The following LDAH variants were observed in gnomAD, a reference collection of about 807,000 sequenced individuals.
LDAH encodes lipid droplet associated hydrolase, also known as lipid droplet-associated hydrolase.
Under a neutral mutation model 29.6 loss-of-function variants are expected in LDAH, and 26 were observed. The observed-to-expected ratio is 0.88, with a 90% CI of 0.64 to 1.22. The LOEUF (loss-of-function observed/expected upper bound fraction) is 1.22, where lower values mean the gene tolerates loss of function less well. LDAH is among the 50% of genes most tolerant of loss of function. The probability of loss-of-function intolerance (pLI) is 0.00; values close to 1 mark genes in which losing one functional copy is unlikely to be tolerated. For synonymous variants in LDAH, 117 were observed against 133.0 expected (o/e 0.88, Z 0.83); for missense variants, 344 against 387.3 (o/e 0.89, Z 0.94).
chr2:20,685,802 T>A lies in LDAH; in HGVS notation c.*1101A>T, dbSNP rs560152120. The A allele has an allele frequency of 4.9e-5, 48 of 985,108 alleles. 1 individual carries two copies. In the African/African-American group the frequency reaches 7.7e-4, roughly 16 times the overall value. 61.0% of individuals were successfully genotyped at this position (985,108 alleles called of 1,614,324 possible). A position where few individuals can be genotyped will look rare whatever the true frequency, so the allele number is the denominator to read the frequency against. ...ATGTGTCTTCTCTGCCATACCTCAA[T>A]GTGTCTAGAGAAGGTGAATTCACAT... is the stretch of plus-strand genomic sequence containing the variant. On this transcript the variant is annotated 3_prime_UTR_variant, in exon 7 of 7. Coordinates refer to ENST00000237822, the MANE Select transcript of LDAH (RefSeq NM_021925.4).
chr2:20,814,893 T>C (rs1421928695), intron 1 of LDAH, among the ~76,000 whole-genome samples: 2 of 152,192 alleles, frequency 1.3e-5, no homozygotes, highest in Non-Finnish European at 2.9e-5. Flanking sequence ...TATTAGGGCC[T>C]GTAACAAGGA....
At chr2:20,821,768 T>TA (rs1322514741) in intron 1 of LDAH, among the ~76,000 whole-genome samples, 3 of 151,920 alleles carry the variant, frequency 2.0e-5, no homozygotes, top group African/African-American at 7.3e-5. Context: ...AGTATAATTT[T>TA]AAAAAAATTA....
Position 20,685,261 on chromosome 2 carries a change from T to C in LDAH, c.*1642A>G, listed in dbSNP as rs1266112692. ...ACTCTTTATTCTGGTAGGTATGATT[T>C]ACCCAGTATTGTTTACATGCCTTGA... On this transcript the variant is annotated 3_prime_UTR_variant, in exon 7 of 7. Coordinates refer to ENST00000237822, the MANE Select transcript of LDAH (RefSeq NM_021925.4). 1.4e-5 allele frequency: 7 copies of C among 491,222 alleles called. No homozygotes were observed. The East Asian group carries it at 2.3e-4, about 16-fold the overall frequency. The allele number at this position is 491,222 out of a possible 1,614,324, so 30.4% of individuals were successfully genotyped here. A position where few individuals can be genotyped will look rare whatever the true frequency, so the allele number is the denominator to read the frequency against.
chr2:20,808,401 C>A (rs530968373), intron 1 of LDAH, among the ~76,000 whole-genome samples: 1 of 152,108 alleles, frequency 6.6e-6, no homozygotes, highest in Non-Finnish European at 1.5e-5. Flanking sequence ...GTGGCTCACA[C>A]GCCTGTAATC....
chr2:20,766,008 T>C (rs940372911), intron 4 of LDAH, among the ~76,000 whole-genome samples: 8 of 152,118 alleles, frequency 5.3e-5, no homozygotes, highest in African/African-American at 1.7e-4. Flanking sequence ...TACCCCTTTC[T>C]TGACATTCTT....
intron 4 of LDAH, among the ~76,000 whole-genome samples, chr2:20,745,612 A>G (rs1032413608): frequency 3.9e-5 from 6 of 152,200 alleles, no homozygotes; most frequent in African/African-American, 1.4e-4. Flanking sequence ...CTTATTTCCA[A>G]ACATCATATT....
Position 20,685,040 on chromosome 2 carries a change from GCCAGA to G in LDAH, c.*1858_*1862del. 7.8e-7 allele frequency: 1 copy of G among 1,275,654 alleles called. No homozygotes were observed. Among genetic ancestry groups the G allele is most frequent in the South Asian group, 1.8e-5 (1 of 55,438 alleles). The allele number at this position is 1,275,654 out of a possible 1,614,324, so 79.0% of individuals were successfully genotyped here. A position where few individuals can be genotyped will look rare whatever the true frequency, so the allele number is the denominator to read the frequency against. On this transcript the variant is annotated 3_prime_UTR_variant, in exon 7 of 7. Coordinates refer to ENST00000237822, the MANE Select transcript of LDAH (RefSeq NM_021925.4). ...CTCTCTTGCCCAACACAGAGATCAGGCCAGACCAGGTCAGAAATGCTGGTAAAACA... is the reference window on the plus strand; with the variant it reads ...CTCTCTTGCCCAACACAGAGATCAGGCCAGGTCAGAAATGCTGGTAAAACA...
At chr2:20,801,511 A>C (rs1275903258) in intron 1 of LDAH, 46 bp from the exon 2 acceptor site, 1 of 1,539,800 alleles carries the variant, frequency 6.5e-7, no homozygotes, top group African/African-American at 1.4e-5. Flanking sequence ...TAAAATGTAA[A>C]ACCTTGAGCC....
chr2:20,749,469 G>A (rs959195361), intron 4 of LDAH, among the ~76,000 whole-genome samples: 19 of 152,096 alleles, frequency 1.2e-4, no homozygotes, highest in African/African-American at 4.3e-4. Context: ...TGAGGCAAAG[G>A]TATCCGTGAC....
At chr2:20,753,742 C>G (rs904895101) in intron 4 of LDAH, among the ~76,000 whole-genome samples, 11 of 152,150 alleles carry the variant, frequency 7.2e-5, no homozygotes, top group Non-Finnish European at 1.2e-4. Flanking sequence ...TGTTTAGAAC[C>G]CTTGTACCCT....
intron 4 of LDAH, among the ~76,000 whole-genome samples, chr2:20,755,680 T>C (rs181541596): frequency 6.6e-6 from 1 of 152,062 alleles, no homozygotes; most frequent in East Asian, 1.9e-4. Context: ...TTATTCTGTG[T>C]AGAAATAGAA....
intron 5 of LDAH, among the ~76,000 whole-genome samples, chr2:20,726,687 T>C (rs1390401800): frequency 1.3e-5 from 2 of 152,218 alleles, no homozygotes; most frequent in African/African-American, 2.4e-5. Context: ...TTCTGCATAA[T>C]TTGGAGAAAT....
At chr2:20,773,033 A>G (rs186182229) in intron 4 of LDAH, among the ~76,000 whole-genome samples, 155 of 152,328 alleles carry the variant, frequency 1.0e-3, no homozygotes, top group African/African-American at 3.6e-3. Flanking sequence ...ATTGTTTTAC[A>G]CTGCTAAGTT....
chr2:20,799,505 T>A (rs1309066562), intron 2 of LDAH, among the ~76,000 whole-genome samples: 1 of 152,200 alleles, frequency 6.6e-6, no homozygotes, highest in Non-Finnish European at 1.5e-5. Context: ...ATCCAAGGCC[T>A]CTCTTCTAGC....
chr2:20,817,244 TAA>T (rs1214975896), intron 1 of LDAH, among the ~76,000 whole-genome samples: 1 of 151,806 alleles, frequency 6.6e-6, no homozygotes, highest in Non-Finnish European at 1.5e-5. Flanking sequence ...AAAGATGAAA[TAA>T]AGAGCGAGTT....
chr2:20,736,952 GT>G, intron 5 of LDAH, among the ~76,000 whole-genome samples: 1 of 152,094 alleles, frequency 6.6e-6, no homozygotes, highest in Non-Finnish European at 1.5e-5. Flanking sequence ...CATTTTTCTT[GT>G]TAATCTGTCT....
At chr2:20,822,988 C>T (rs1348832149) in intron 1 of LDAH, 49 bp downstream of exon 1, 1 of 152,402 alleles carries the variant, frequency 6.6e-6, no homozygotes, top group African/African-American at 2.4e-5. Context: ...GCCTGCCCAC[C>T]CGTCCTTCCT....
intron 5 of LDAH, among the ~76,000 whole-genome samples, chr2:20,708,447 G>T (rs917599645): frequency 6.6e-6 from 1 of 152,114 alleles, no homozygotes; most frequent in Non-Finnish European, 1.5e-5. Flanking sequence ...AAAATATCCA[G>T]CATCTGACAA....
At chr2:20,741,413 T>C (rs576559952) in intron 4 of LDAH, among the ~76,000 whole-genome samples, 1 of 152,354 alleles carries the variant, frequency 6.6e-6, no homozygotes, top group Non-Finnish European at 1.5e-5. Context: ...TTTAGAGCTA[T>C]AATCCATTTT....
Sources: gnomAD v4.1 joint callset for allele counts (sites outside exome capture counted in the v4.1 genomes callset) on GRCh38, gnomAD v4.1.1 for gene constraint, MANE v1.5 for transcripts, NCBI Gene and HGNC (gene_info 2026-07-23, HGNC 2026-07-21) for gene names.